Variants in ZEB2 observed in about 807,000 individuals in gnomAD.
ZEB2 encodes zinc finger E-box binding homeobox 2.
In ZEB2, 6 loss-of-function variants were observed where a neutral mutation model predicts 99.9. The observed-to-expected ratio is 0.06, with a 90% confidence interval of 0.03 to 0.12. ZEB2 has a LOEUF of 0.12. Ranked by LOEUF, ZEB2 falls within the 10% of genes least tolerant of loss-of-function variation. The pLI is 1.00. For missense variants in ZEB2, 969 were observed against 1,502.8 expected (o/e 0.64, Z 5.87); for synonymous variants, 517 against 542.5 (o/e 0.95, Z 0.65).
chr2:144,473,884 T>C (rs1317338251), intron 2 of ZEB2, among the ~76,000 whole-genome samples: 1 of 152,188 alleles, frequency 6.6e-6, no homozygotes, highest in South Asian at 2.1e-4. Flanking sequence ...AAAAATAAGA[T>C]GTACGTATGC....
At chr2:144,433,851 A>G (rs1703804291) in intron 2 of ZEB2, among the ~76,000 whole-genome samples, 1 of 152,170 alleles carries the variant, frequency 6.6e-6, no homozygotes, top group Admixed American at 6.6e-5. Flanking sequence ...GTGACATGTA[A>G]TAGAATAGTA....
chr2:144,397,882 C>A, intron 8 of ZEB2: 1 of 322,588 alleles, frequency 3.1e-6, no homozygotes, highest in Non-Finnish European at 6.0e-6. Flanking sequence ...CTCAAGTGAT[C>A]CACCCTCGTT....
chr2:144,493,388 TC>T (rs998132280), intron 2 of ZEB2, among the ~76,000 whole-genome samples: 1 of 152,164 alleles, frequency 6.6e-6, no homozygotes, highest in Non-Finnish European at 1.5e-5. Flanking sequence ...CAAATACTGC[TC>T]CCCATTTTTA....
intron 2 of ZEB2, among the ~76,000 whole-genome samples, chr2:144,442,564 A>C (rs929783390): frequency 6.6e-6 from 1 of 152,194 alleles, no homozygotes; most frequent in African/African-American, 2.4e-5. Flanking sequence ...ATTAATCAAT[A>C]CCTACAGGAA....
At chr2:144,485,512 A>G (rs1046121201) in intron 2 of ZEB2, among the ~76,000 whole-genome samples, 2 of 152,228 alleles carry the variant, frequency 1.3e-5, no homozygotes, top group Admixed American at 6.5e-5. Flanking sequence ...AAACATTTAC[A>G]TACTTGGAAA....
At chr2:144,439,303 C>T (rs1236993378) in intron 2 of ZEB2, among the ~76,000 whole-genome samples, 1 of 152,130 alleles carries the variant, frequency 6.6e-6, no homozygotes, top group African/African-American at 2.4e-5. Flanking sequence ...ACAAGGCACA[C>T]AAAAGCTCCC....
At chr2:144,424,919 T>TA (rs146238184) in intron 3 of ZEB2, 52 bp from the exon 4 acceptor site, 1 of 1,577,484 alleles carries the variant, frequency 6.3e-7, no homozygotes, top group African/African-American at 1.3e-5. Context: ...AGGCTTACTA[T>TA]ACTAAGCATG....
Position 144,385,854 on chromosome 2 carries a change from G to A in ZEB2, c.*3597C>T, listed in dbSNP as rs2149870675. The A allele has an allele frequency of 6.6e-6, 1 of 152,256 alleles. No individual in the cohort carries two copies. Among genetic ancestry groups the A allele is most frequent in the African/African-American group, 2.4e-5 (1 of 41,546 alleles). 9.4% of individuals were successfully genotyped at this position (152,256 alleles called of 1,614,324 possible). Reference sequence around the variant, plus strand: ...TTTAAAAGTTATCTGATTGTGAAAAGTATCTAATACATTTATTCATATTTA... The same window carrying A: ...TTTAAAAGTTATCTGATTGTGAAAAATATCTAATACATTTATTCATATTTA... On this transcript the variant is annotated 3_prime_UTR_variant, in exon 10 of 10. Transcript: ENST00000627532.
intron 4 of ZEB2, among the ~76,000 whole-genome samples, chr2:144,418,714 A>C (rs6715672): frequency 0.04 from 6,049 of 151,166 alleles, 310 homozygotes; most frequent in African/African-American, 0.12. Flanking sequence ...AACAAAAAAA[A>C]AAAAAAACTG....
At chr2:144,412,321 A>T (rs990646530) in intron 4 of ZEB2, among the ~76,000 whole-genome samples, 1 of 152,236 alleles carries the variant, frequency 6.6e-6, no homozygotes, top group Non-Finnish European at 1.5e-5. Context: ...TGTCTTTCAC[A>T]TTACTGTGTA....
At chr2:144,400,382 T>C in intron 7 of ZEB2, 112 bp from the exon 8 acceptor site, 1 of 1,168,282 alleles carries the variant, frequency 8.6e-7, no homozygotes, top group Middle Eastern at 2.0e-4. Context: ...ATGGGGTACC[T>C]CTACATTCTA....
chr2:144,406,284 T>C (rs562086820), intron 4 of ZEB2, among the ~76,000 whole-genome samples: 8 of 152,340 alleles, frequency 5.3e-5, no homozygotes, highest in African/African-American at 1.4e-4. Flanking sequence ...ATAGGCATCA[T>C]GTCCTGCTCT....
At chr2:144,476,782 C>G (rs1044568469) in intron 2 of ZEB2, among the ~76,000 whole-genome samples, 1 of 152,164 alleles carries the variant, frequency 6.6e-6, no homozygotes, top group Non-Finnish European at 1.5e-5. Flanking sequence ...AATAAACATT[C>G]CTTACTATGT....
At chr2:144,435,599 TAAAA>T (rs1271899949) in intron 2 of ZEB2, among the ~76,000 whole-genome samples, 2 of 134,622 alleles carry the variant, frequency 1.5e-5, no homozygotes, top group African/African-American at 2.8e-5. Context: ...ACCCTGTCTT[TAAAA>T]AAAAAAAAAA....
At chr2:144,502,769 C>G (rs1704892526) in intron 2 of ZEB2, among the ~76,000 whole-genome samples, 1 of 152,078 alleles carries the variant, frequency 6.6e-6, no homozygotes, top group Non-Finnish European at 1.5e-5. Context: ...CAGGGATTTT[C>G]ATAACAATTA....
At position 144,398,822 on chromosome 2, in the gene ZEB2, A is replaced by G. The variant is rs730881197; in HGVS notation, c.2365T>C (p.Ser789Pro). 1.9e-6 allele frequency: 3 copies of G among 1,613,924 alleles called. No individual in the cohort carries two copies. Among genetic ancestry groups the G allele is most frequent in the Non-Finnish European group, 2.5e-6 (3 of 1,180,018 alleles). Residue 789 changes from serine (S) to proline (P), a missense_variant, in exon 8 of 10, where the codon TCC becomes CCC. Physicochemically the swap from Ser to Pro is moderately conservative, Grantham distance 74. This residue lies in a region of ZEB2 where 346 missense variants were observed against 460.0 expected (regional missense o/e 0.75). Transcript: ENST00000627532. ...TGGGAGTTTTTAGAAGATGTGGAGG[A>G]AAGATTTAAGGGAGAAGGAGTATTA... ...RSNTPSPLNL[S>P]STSSKNSHSS...
chr2:144,433,189 G>T (rs1405537226), intron 2 of ZEB2, among the ~76,000 whole-genome samples: 1 of 152,080 alleles, frequency 6.6e-6, no homozygotes, highest in East Asian at 1.9e-4. Flanking sequence ...GCTCAAAATA[G>T]ACACTAATTT....
Position 144,386,313 on chromosome 2 carries a change from A to G in ZEB2, c.*3138T>C, listed in dbSNP as rs1326298105. On this transcript the variant is annotated 3_prime_UTR_variant, in exon 10 of 10. Transcript: ENST00000627532. The stretch of plus-strand genomic sequence containing the variant: ...TGGAGAAGAATCTTAAGACAAATCA[A>G]AAGTTTTTATTTTTCCCTAGAGTTA... The G allele has an allele frequency of 1.3e-5, 2 of 152,170 alleles. No individual in the cohort carries two copies. The highest frequency in any genetic ancestry group is 2.9e-5 in the Non-Finnish European group (2 of 68,028). The allele number at this position is 152,170 out of a possible 1,614,324, so 9.4% of individuals were successfully genotyped here.
intron 2 of ZEB2, among the ~76,000 whole-genome samples, chr2:144,435,727 T>G (rs1288665137): frequency 6.6e-6 from 1 of 152,196 alleles, no homozygotes; most frequent in African/African-American, 2.4e-5. Flanking sequence ...GTGGGCCTGC[T>G]TTCTTACAAC....
Sources: gnomAD v4.1 joint callset for allele counts (sites outside exome capture counted in the v4.1 genomes callset) on GRCh38, gnomAD v4.1.1 for gene constraint, gnomAD v4.1.1 regional missense constraint, MANE v1.5 for transcripts, NCBI Gene and HGNC (gene_info 2026-07-23, HGNC 2026-07-21) for gene names.